ZMIZ1: variants seen among roughly 807,000 people sequenced by gnomAD.
The protein encoded by ZMIZ1 is zinc finger MIZ-type containing 1.
ZMIZ1 carries 17 observed loss-of-function variants against 113.9 expected under a neutral mutation model. That is an observed-to-expected ratio of 0.15 (90% CI 0.10 to 0.22). The LOEUF (loss-of-function observed/expected upper bound fraction) is 0.22. Ranked by LOEUF, ZMIZ1 falls within the 10% of genes least tolerant of loss-of-function variation. The pLI is 1.00. For missense variants in ZMIZ1, 1,059 were observed against 1,477.8 expected (o/e 0.72, Z 4.65); for synonymous variants, 607 against 603.1 (o/e 1.01, Z -0.09).
chr10:79,312,859 C>A lies in ZMIZ1; in HGVS notation c.*110C>A, dbSNP rs927684763. ...CTCAGACCGCCCCGCACCAGAGCCA[C>A]GGGCTGTGGGGCGGGGAGCCCTCCC... is the stretch of plus-strand genomic sequence containing the variant. On this transcript the variant is annotated 3_prime_UTR_variant, in exon 25 of 25. Transcript: ENST00000334512. 4.9e-6 allele frequency: 5 copies of A among 1,030,294 alleles called. No homozygotes were observed. The Admixed American group carries it at 6.9e-5, about 14-fold the overall frequency. The allele number at this position is 1,030,294 out of a possible 1,614,324, so 63.8% of individuals were successfully genotyped here. A position where few individuals can be genotyped will look rare whatever the true frequency, so the allele number is the denominator to read the frequency against.
chr10:79,145,238 C>G (rs1845431334), intron 3 of ZMIZ1, among the ~76,000 whole-genome samples: 1 of 152,182 alleles, frequency 6.6e-6, no homozygotes, highest in Admixed American at 6.5e-5. Flanking sequence ...ACAAGACTCT[C>G]TCCTGCCTCC....
rs941825215 is a variant in ZMIZ1, at chr10:79,116,393, A to T, written c.-336-2522A>T. Among the ~76,000 whole-genome samples, 58 of 152,154 alleles carry T rather than the reference A, an allele frequency of 3.8e-4. 1 individual carries two copies. Among genetic ancestry groups the T allele is most frequent in the African/African-American group, 1.4e-3 (58 of 41,432 alleles). On this transcript the variant is annotated intron_variant, in intron 1 of 24. Coordinates refer to ENST00000334512, the MANE Select transcript of ZMIZ1 (RefSeq NM_020338.4). ...AAGAGAGACTTACACACTCTGGGGA[A>T]GACCCAGCCCCAGAGAGAGAACTGT...
chr10:79,247,588 C>T (rs1174233547), intron 7 of ZMIZ1, among the ~76,000 whole-genome samples: 8 of 152,218 alleles, frequency 5.3e-5, no homozygotes, highest in Non-Finnish European at 1.5e-5. Context: ...TTCTCTAAGC[C>T]GCAGAGACCC....
At chr10:79,302,680 G>GATTT (rs1854386209) in intron 18 of ZMIZ1, among the ~76,000 whole-genome samples, 1 of 76,772 alleles carries the variant, frequency 1.3e-5, no homozygotes, top group Non-Finnish European at 2.9e-5. Context: ...AACAGCTCAT[G>GATTT]CTTTTTTTTT....
chr10:79,267,875 C>T lies in ZMIZ1; in HGVS notation c.281-9306C>T, dbSNP rs148994240. On this transcript the variant is annotated intron_variant, in intron 7 of 24. Coordinates refer to ENST00000334512, the MANE Select transcript of ZMIZ1 (RefSeq NM_020338.4). The stretch of plus-strand genomic sequence containing the variant: ...AGAGATTTGATGAGGAGTCCAGGCC[C>T]GTGTTGACTCAAACCCCTGTGTCTG... 2.4e-3 allele frequency among the ~76,000 whole-genome samples: 359 copies of T among 152,254 alleles called. 1 individual carries two copies. Among genetic ancestry groups the T allele is most frequent in the African/African-American group, 8.3e-3 (343 of 41,540 alleles).
At chr10:79,311,294 T>TGGGGGG in intron 24 of ZMIZ1, 110 bp downstream of exon 24, 24 of 99,142 alleles carry the variant, frequency 2.4e-4, no homozygotes, top group East Asian at 3.8e-4. Context: ...AGGAGGTGGG[T>TGGGGGG]GGGCGGTGGG....
intron 8 of ZMIZ1, among the ~76,000 whole-genome samples, chr10:79,277,949 A>C (rs1029641411): frequency 6.6e-6 from 1 of 152,174 alleles, no homozygotes; most frequent in Admixed American, 6.5e-5. Flanking sequence ...CCCTGCAACA[A>C]CAGGGCCTGT....
chr10:79,282,962 G>A (rs1438369575), intron 8 of ZMIZ1, among the ~76,000 whole-genome samples: 1 of 152,238 alleles, frequency 6.6e-6, no homozygotes, highest in East Asian at 1.9e-4. Flanking sequence ...CAGTGACCTG[G>A]ACTTGAAGCC....
intron 1 of ZMIZ1, among the ~76,000 whole-genome samples, chr10:79,082,268 C>G (rs1208431021): frequency 6.6e-6 from 1 of 152,244 alleles, no homozygotes; most frequent in African/African-American, 2.4e-5. Context: ...AGCCTGGGGG[C>G]CGCTGCCCTA....
intron 3 of ZMIZ1, among the ~76,000 whole-genome samples, chr10:79,150,895 T>C (rs998067829): frequency 3.3e-5 from 5 of 151,738 alleles, no homozygotes; most frequent in African/African-American, 1.2e-4. Flanking sequence ...CCCACCACCC[T>C]CCCAACCCCA....
chr10:79,256,423 A>G (rs980359195), intron 7 of ZMIZ1, among the ~76,000 whole-genome samples: 1 of 152,046 alleles, frequency 6.6e-6, no homozygotes, highest in Non-Finnish European at 1.5e-5. Flanking sequence ...CATCCCATCC[A>G]GAGCAGCCCC....
At position 79,247,369 on chromosome 10, in the gene ZMIZ1, A is replaced by G. The variant is rs78808841; in HGVS notation, c.281-29812A>G. Among the ~76,000 whole-genome samples the G allele has an allele frequency of 8.1e-3, 1,240 of 152,258 alleles. 8 individuals are homozygous for G. The highest frequency in any genetic ancestry group is 0.011 in the Non-Finnish European group (756 of 68,000). Reference sequence around the variant, plus strand: ...GCTCACAGTGTCCTTGTTCCCCAGGATCTGATGGGCTGTGTGCCTTTCCAA... The same window carrying G: ...GCTCACAGTGTCCTTGTTCCCCAGGGTCTGATGGGCTGTGTGCCTTTCCAA... On this transcript the variant is annotated intron_variant, in intron 7 of 24. Coordinates refer to ENST00000334512, the MANE Select transcript of ZMIZ1 (RefSeq NM_020338.4).
At chr10:79,111,412 G>C (rs907543808) in intron 1 of ZMIZ1, among the ~76,000 whole-genome samples, 2 of 152,196 alleles carry the variant, frequency 1.3e-5, no homozygotes, top group African/African-American at 4.8e-5. Context: ...GCAAAAGTTT[G>C]GAATCATTCC....
rs7085275 is a variant in ZMIZ1 at position 79,269,907 on chromosome 10, G to A, written c.281-7274G>A. On this transcript the variant is annotated intron_variant, in intron 7 of 24. Transcript: ENST00000334512. The stretch of plus-strand genomic sequence containing the variant: ...ACCTGCTCCCCGTGACACCCGACCC[G>A]ATCGATGCTAACAAAGGCTGGTCAC... Among the ~76,000 whole-genome samples, 850 of 152,278 alleles carry A rather than the reference G, an allele frequency of 5.6e-3. 6 individuals carry two copies. Among genetic ancestry groups the A allele is most frequent in the African/African-American group, 0.019 (808 of 41,536 alleles).
intron 7 of ZMIZ1, among the ~76,000 whole-genome samples, chr10:79,273,284 C>T (rs1809069447): frequency 6.6e-6 from 1 of 152,166 alleles, no homozygotes; most frequent in Non-Finnish European, 1.5e-5. Flanking sequence ...CCCCTCCTGA[C>T]CCTAACCCCC....
intron 7 of ZMIZ1, among the ~76,000 whole-genome samples, chr10:79,253,534 T>C (rs910344798): frequency 6.6e-6 from 1 of 152,180 alleles, no homozygotes; most frequent in African/African-American, 2.4e-5. Flanking sequence ...CTTCCACGTA[T>C]GCAGTGGCTT....
chr10:79,222,415 G>T (rs1849016316), intron 7 of ZMIZ1, among the ~76,000 whole-genome samples: 1 of 152,170 alleles, frequency 6.6e-6, no homozygotes, highest in Non-Finnish European at 1.5e-5. Flanking sequence ...CAGCCCTGTG[G>T]ACATGAGTGT....
chr10:79,288,901 G>A (rs1853275504), intron 8 of ZMIZ1, among the ~76,000 whole-genome samples: 1 of 152,188 alleles, frequency 6.6e-6, no homozygotes, highest in Admixed American at 6.5e-5. Flanking sequence ...CCACAAACGT[G>A]GTGGGTACTG....
rs1851927948 is a variant in ZMIZ1, at chr10:79,271,160, GC to G, written c.281-6016del. 2.0e-5 allele frequency among the ~76,000 whole-genome samples: 3 copies of G among 152,270 alleles called. No individual in the cohort carries two copies. In the South Asian group the frequency reaches 6.2e-4, roughly 32 times the overall value. ...ACACAGGCCTGCTCATCTACTCAGG[GC>G]CCCCACCATCTCCATGAACTTCTGG... On this transcript the variant is annotated intron_variant, in intron 7 of 24. Transcript: ENST00000334512.
Sources: gnomAD v4.1 joint callset for allele counts (sites outside exome capture counted in the v4.1 genomes callset) on GRCh38, gnomAD v4.1.1 for gene constraint, MANE v1.5 for transcripts, NCBI Gene and HGNC (gene_info 2026-07-23, HGNC 2026-07-21) for gene names.